PNPLA7: variants seen among roughly 807,000 people sequenced by gnomAD.
PNPLA7 encodes the protein patatin like domain 7, lysophospholipase, also known as patatin-like phospholipase domain-containing protein 7.
Under a neutral mutation model 161.7 loss-of-function variants are expected in PNPLA7, and 153 were observed. That is an observed-to-expected ratio of 0.95 (90% CI 0.83 to 1.08). The LOEUF (loss-of-function observed/expected upper bound fraction) is 1.08, where lower values mean the gene tolerates loss of function less well. PNPLA7 is among the 50% of genes least tolerant of loss of function. The probability of loss-of-function intolerance (pLI) is 0.00; values close to 1 mark genes in which losing one functional copy is unlikely to be tolerated. For synonymous variants in PNPLA7, 809 were observed against 782.1 expected, an observed-to-expected ratio of 1.03 and a Z score of -0.57; for missense variants, 1,739 against 1,856.6, an observed-to-expected ratio of 0.94 and a Z score of 1.16.
chr9:137,463,364 G>A (rs755192668), intron 29 of PNPLA7, 51 bp downstream of exon 29: 23 of 1,492,960 alleles, frequency 1.5e-5, no homozygotes, highest in African/African-American at 4.1e-5. Flanking sequence ...GTGGGGCGGC[G>A]TGACCCAGGA....
intron 20 of PNPLA7, chr9:137,491,862 G>A (rs1206724776): frequency 1.0e-6 from 1 of 985,364 alleles, no homozygotes; most frequent in Non-Finnish European, 1.2e-6. Context: ...GGGGTGACAA[G>A]CACAGAGAAG....
intron 7 of PNPLA7, 134 bp downstream of exon 7, chr9:137,542,508 T>C (rs1836259584): frequency 2.9e-6 from 3 of 1,021,126 alleles, no homozygotes; most frequent in African/African-American, 3.3e-5. Flanking sequence ...ATAAAAACGG[T>C]GAGTTTTCCC....
chr9:137,462,988 G>A (rs1831292659), intron 29 of PNPLA7, 155 bp from the exon 30 acceptor site: 7 of 1,031,584 alleles, frequency 6.8e-6, no homozygotes, highest in Non-Finnish European at 9.7e-6. Context: ...TGCCCAGCTC[G>A]ATGGGCAGCT....
chr9:137,491,386 C>G, intron 20 of PNPLA7: 1 of 795,836 alleles, frequency 1.3e-6, no homozygotes, highest in Non-Finnish European at 1.5e-6. Context: ...ACAGTCTAAA[C>G]ACACAAAAGA....
At chr9:137,473,229 G>A (rs1163422415) in intron 25 of PNPLA7, among the ~76,000 whole-genome samples, 1 of 152,216 alleles carries the variant, frequency 6.6e-6, no homozygotes, top group East Asian at 1.9e-4. Flanking sequence ...TTCAAGGTGA[G>A]ATTTGGGTGG....
chr9:137,527,591 T>C (rs908353279), intron 8 of PNPLA7, among the ~76,000 whole-genome samples: 1 of 152,246 alleles, frequency 6.6e-6, no homozygotes, highest in Non-Finnish European at 1.5e-5. Flanking sequence ...GCTTTGCTCC[T>C]GGAATAAATC....
intron 23 of PNPLA7, chr9:137,479,986 C>T (rs1832131518): frequency 1.2e-6 from 1 of 827,768 alleles, no homozygotes; most frequent in African/African-American, 1.9e-5. Context: ...GAAAAGCAAA[C>T]TTCAGATGAC....
Position 137,510,603 on chromosome 9 carries a change from T to G in PNPLA7, c.1226-4520A>C, listed in dbSNP as rs1364155676. Among the ~76,000 whole-genome samples the G allele has an allele frequency of 1.8e-4, 28 of 152,210 alleles. 1 individual carries two copies. The highest frequency in any genetic ancestry group is 1.8e-3 in the Admixed American group (28 of 15,280). On this transcript the variant is annotated intron_variant, in intron 12 of 34. Transcript: ENST00000406427. ...CTGCCTTGTATCCAATAAATAACAGTGCAGCCAGACATTCGGGGCCACTAC... is the reference window on the plus strand; with the variant it reads ...CTGCCTTGTATCCAATAAATAACAGGGCAGCCAGACATTCGGGGCCACTAC...
chr9:137,505,725 G>T lies in PNPLA7; in HGVS notation c.1362C>A (p.Ser454=). ...RKSVMVAEIP[S]TVSQHSESHT... ...GACTCTCTGAGTGCTGGGAGACCGTGGAGGGTATCTCTGCAACCATCACGC... is the reference window on the plus strand; with the variant it reads ...GACTCTCTGAGTGCTGGGAGACCGTTGAGGGTATCTCTGCAACCATCACGC... The change falls in exon 14 of 35, where the codon TCC becomes TCA. Residue 454 remains serine (S), a synonymous_variant. Coordinates refer to ENST00000406427, the MANE Select transcript of PNPLA7 (RefSeq NM_001098537.3). 1 of 1,614,102 alleles carries T rather than the reference G, an allele frequency of 6.2e-7. No individual in the cohort carries two copies. Among genetic ancestry groups the T allele is most frequent in the Non-Finnish European group, 8.5e-7 (1 of 1,180,022 alleles).
At chr9:137,544,266 G>A (rs762783750) in intron 4 of PNPLA7, among the ~76,000 whole-genome samples, 1 of 152,116 alleles carries the variant, frequency 6.6e-6, no homozygotes, top group African/African-American at 2.4e-5. Context: ...CCTTTTCTCA[G>A]GCAGTGCCTG....
intron 10 of PNPLA7, 88 bp downstream of exon 10, chr9:137,521,548 C>T: frequency 7.6e-7 from 1 of 1,310,208 alleles, no homozygotes; most frequent in Non-Finnish European, 1.1e-6. Flanking sequence ...CCCCACCAGG[C>T]ACTGGGCGCC....
Position 137,476,575 on chromosome 9 carries a change from C to G in PNPLA7, c.2882+1459G>C, listed in dbSNP as rs527527661. On this transcript the variant is annotated intron_variant, in intron 25 of 34. Transcript: ENST00000406427. This position sits in a 1 kb window ranked among gnomAD's most constrained non-coding sequence, Gnocchi z 4.5. ...TAGAAATACAGACAAGCAGACAGCT[C>G]AAAACACTGGACATGGTTATTTCTG... is the stretch of plus-strand genomic sequence containing the variant. 6.6e-6 allele frequency among the ~76,000 whole-genome samples: 1 copy of G among 152,186 alleles called. No homozygotes were observed. Among genetic ancestry groups the G allele is most frequent in the South Asian group, 2.1e-4 (1 of 4,816 alleles).
chr9:137,547,601 C>A lies in PNPLA7; in HGVS notation c.89G>T (p.Gly30Val). ...GGTGATTACCATGGTGGACGGTGAACCTTCCTCCGTGAACCACAGTCCCCA... is the reference window on the plus strand; with the variant it reads ...GGTGATTACCATGGTGGACGGTGAAACTTCCTCCGTGAACCACAGTCCCCA... ...HSWGLWFTEE[G>V]SPSTMLTGIA... The change falls in exon 2 of 35, where the codon GGT becomes GTT. Residue 30 changes from glycine to valine, a missense_variant. Gly to Val is a moderately radical substitution (Grantham distance 109). Coordinates refer to ENST00000406427, the MANE Select transcript of PNPLA7 (RefSeq NM_001098537.3). The surrounding 1 kb of genome is among the most constrained non-coding windows in gnomAD (Gnocchi z 4.6). 6.2e-7 allele frequency: 1 copy of A among 1,613,228 alleles called. No homozygotes were observed. The highest frequency in any genetic ancestry group is 2.2e-5 in the East Asian group (1 of 44,874).
chr9:137,477,174 T>C lies in PNPLA7; in HGVS notation c.2882+860A>G, dbSNP rs1177094096. Among the ~76,000 whole-genome samples the C allele has an allele frequency of 2.6e-5, 4 of 152,226 alleles. No homozygotes were observed. The East Asian group carries it at 5.8e-4, about 22-fold the overall frequency. ...CCGCCCTGCCCCTTACGCACCTGGC[T>C]CAGCAGAGGGGCACATGCCTGTCCC... On this transcript the variant is annotated intron_variant, in intron 25 of 34. Coordinates refer to ENST00000406427, the MANE Select transcript of PNPLA7 (RefSeq NM_001098537.3).
rs756586950 is a variant in PNPLA7 at position 137,462,034 on chromosome 9, C to G, written c.3653G>C (p.Gly1218Ala). Residue 1218 changes from glycine to alanine, a missense_variant, in exon 32 of 35, where the codon GGC (glycine) becomes GCC (alanine). This residue lies in a region of PNPLA7 where 703 missense variants were observed against 694.6 expected (regional missense o/e 1.01). Coordinates refer to ENST00000406427, the MANE Select transcript of PNPLA7 (RefSeq NM_001098537.3). ...AAACACCGTGCGCCCGTGCTGGTAG[C>G]CCACTTCCTGTGCACACCCCCAGGG... ...FGKFNEICEV[G>A]YQHGRTVFDI... 6.3e-7 allele frequency: 1 copy of G among 1,594,200 alleles called. No homozygotes were observed. Among genetic ancestry groups the G allele is most frequent in the African/African-American group, 1.3e-5 (1 of 74,518 alleles).
At position 137,547,355 on chromosome 9, in the gene PNPLA7, C is replaced by A. The variant is rs778706673; in HGVS notation, c.147G>T (p.Leu49Phe). 6.2e-7 allele frequency: 1 copy of A among 1,613,584 alleles called. No homozygotes were observed. The highest frequency in any genetic ancestry group is 1.3e-5 in the African/African-American group (1 of 75,052). Reference sequence around the variant, plus strand: ...ACATGAAAAGGATGAGGACACCAACCAAGGCCAGGGCCAGGAGGGCTCCAA... The same window carrying A: ...ACATGAAAAGGATGAGGACACCAACAAAGGCCAGGGCCAGGAGGGCTCCAA... ...IAVGALLALALVGVLILFMFR... is the reference protein window; with the variant it reads ...IAVGALLALAFVGVLILFMFR... Residue 49 changes from leucine (L) to phenylalanine (F), a missense_variant, in exon 3 of 35, where the codon TTG becomes TTT. This residue lies in a region of PNPLA7 where 209 missense variants were observed against 252.8 expected (regional missense o/e 0.83). Transcript: ENST00000406427. The surrounding 1 kb of genome is among the most constrained non-coding windows in gnomAD (Gnocchi z 4.6).
At position 137,486,848 on chromosome 9, in the gene PNPLA7, C is replaced by T. The variant is rs1832511540; in HGVS notation, c.2198-2112G>A. 6.6e-6 allele frequency among the ~76,000 whole-genome samples: 1 copy of T among 152,172 alleles called. No individual in the cohort carries two copies. The highest frequency in any genetic ancestry group is 1.5e-5 in the Non-Finnish European group (1 of 68,026). Reference sequence around the variant, plus strand: ...CTCCCCACTCAGAACAAGCCAGAGTCTGCAGCCTCAGCCCATCTGCGGTCC... The same window carrying T: ...CTCCCCACTCAGAACAAGCCAGAGTTTGCAGCCTCAGCCCATCTGCGGTCC... On this transcript the variant is annotated intron_variant, in intron 20 of 34. Transcript: ENST00000406427. This position sits in a 1 kb window ranked among gnomAD's most constrained non-coding sequence, Gnocchi z 6.0.
intron 8 of PNPLA7, among the ~76,000 whole-genome samples, chr9:137,525,561 G>A (rs1411680930): frequency 6.6e-6 from 1 of 152,074 alleles, no homozygotes; most frequent in African/African-American, 2.4e-5. Context: ...GACAGCTTAT[G>A]TCATTATTTC....
rs140044169 is a variant in PNPLA7, at chr9:137,484,894, C to G, written c.2198-158G>C. Among the ~76,000 whole-genome samples the G allele has an allele frequency of 6.9e-4, 101 of 145,440 alleles. No homozygotes were observed. The East Asian group carries it at 0.017, about 24-fold the overall frequency. ...CCAGTCCTGAGGCTGCCTGGCCCTC[C>G]CGCCTCCCCAGTCCTGAGGCTGCCT... On this transcript the variant is annotated intron_variant, in intron 20 of 34. Transcript: ENST00000406427.
Sources: gnomAD v4.1 joint callset for allele counts (sites outside exome capture counted in the v4.1 genomes callset) on GRCh38, gnomAD v4.1.1 for gene constraint, gnomAD v4.1.1 regional missense constraint, Gnocchi (gnomAD v3.1) non-coding constraint, MANE v1.5 for transcripts, NCBI Gene and HGNC (gene_info 2026-07-23, HGNC 2026-07-21) for gene names.